The following MAGI1 variants were observed in gnomAD, a reference collection of about 807,000 sequenced individuals.
MAGI1 encodes the protein membrane associated guanylate kinase, WW and PDZ domain containing 1.
In MAGI1, 58 loss-of-function variants were observed where a neutral mutation model predicts 139.9. The observed-to-expected ratio is 0.41, with a 90% CI of 0.34 to 0.52. MAGI1 has a LOEUF of 0.52. Ranked by LOEUF, MAGI1 falls within the 20% of genes least tolerant of loss-of-function variation. The probability of loss-of-function intolerance (pLI) is 0.12; values close to 1 mark genes in which losing one functional copy is unlikely to be tolerated. For missense variants in MAGI1, 1,874 were observed against 1,901.6 expected (o/e 0.99, Z 0.27); for synonymous variants, 812 against 737.9 (o/e 1.10, Z -1.63).
chr3:65,943,794 T>C (rs1357003793), intron 1 of MAGI1, among the ~76,000 whole-genome samples: 1 of 152,188 alleles, frequency 6.6e-6, no homozygotes, highest in Non-Finnish European at 1.5e-5. Context: ...AGAGAAGCAG[T>C]ATCACAACAT....
intron 1 of MAGI1, among the ~76,000 whole-genome samples, chr3:65,793,123 T>C (rs574676975): frequency 1.3e-5 from 2 of 152,190 alleles, no homozygotes; most frequent in Non-Finnish European, 1.5e-5. Context: ...TCTGAAGAAG[T>C]CATGCTTGGG....
At chr3:65,967,254 A>G (rs2064796319) in intron 1 of MAGI1, among the ~76,000 whole-genome samples, 1 of 152,250 alleles carries the variant, frequency 6.6e-6, no homozygotes, top group African/African-American at 2.4e-5. Context: ...TGTCAGTGGC[A>G]GAATCTAAGT....
At chr3:65,413,643 C>A (rs1057028767) in intron 12 of MAGI1, among the ~76,000 whole-genome samples, 1 of 152,154 alleles carries the variant, frequency 6.6e-6, no homozygotes, top group Non-Finnish European at 1.5e-5. Context: ...ATTGCTGCCC[C>A]ATATAGCTAT....
At chr3:65,597,166 AT>A (rs961466663) in intron 2 of MAGI1, among the ~76,000 whole-genome samples, 3 of 151,034 alleles carry the variant, frequency 2.0e-5, no homozygotes, top group South Asian at 2.1e-4. Context: ...GGACGTACTG[AT>A]TTTTCCCCCC....
intron 1 of MAGI1, among the ~76,000 whole-genome samples, chr3:65,869,461 C>T (rs567865633): frequency 2.0e-5 from 3 of 150,140 alleles, no homozygotes; most frequent in South Asian, 2.1e-4. Context: ...AGTGCAGTGG[C>T]GTGATCTCCA....
chr3:65,994,419 C>G (rs1203650199), intron 1 of MAGI1, among the ~76,000 whole-genome samples: 1 of 152,088 alleles, frequency 6.6e-6, no homozygotes, highest in African/African-American at 2.4e-5. Flanking sequence ...TTAGTATCTC[C>G]CCTCCTCATA....
At chr3:65,834,842 T>C (rs1404509766) in intron 1 of MAGI1, among the ~76,000 whole-genome samples, 1 of 152,236 alleles carries the variant, frequency 6.6e-6, no homozygotes, top group Non-Finnish European at 1.5e-5. Context: ...TGTCCCTCTC[T>C]GTCTCTGGTA....
At chr3:65,883,725 TCTC>T (rs1426057825) in intron 1 of MAGI1, among the ~76,000 whole-genome samples, 1 of 152,172 alleles carries the variant, frequency 6.6e-6, no homozygotes, top group Non-Finnish European at 1.5e-5. Context: ...GTTCTAACCC[TCTC>T]CTCAGTCTGA....
intron 1 of MAGI1, among the ~76,000 whole-genome samples, chr3:65,625,742 C>T (rs2083937091): frequency 6.6e-6 from 1 of 152,102 alleles, no homozygotes; most frequent in African/African-American, 2.4e-5. Flanking sequence ...AAAATCCATG[C>T]AAACCAAATT....
chr3:65,766,594 A>G (rs1559861813), intron 1 of MAGI1, among the ~76,000 whole-genome samples: 2 of 152,166 alleles, frequency 1.3e-5, no homozygotes, highest in African/African-American at 2.4e-5. Context: ...AGTCATTATT[A>G]TAACAGAATA....
intron 2 of MAGI1, among the ~76,000 whole-genome samples, chr3:65,512,783 G>A (rs1477010141): frequency 1.3e-5 from 2 of 148,172 alleles, no homozygotes; most frequent in Non-Finnish European, 3.0e-5. Context: ...AGAAAAAGAG[G>A]GAATCCTCCC....
In MAGI1 at chr3:65,357,048, G is replaced by A; in HGVS notation, c.3719C>T (p.Pro1240Leu). Residue 1240 changes from proline to leucine, a missense_variant, in exon 23 of 23, where the codon CCG becomes CTG. Around this residue, in one of 5 missense-constraint regions of MAGI1, gnomAD observed 653 missense variants for 644.5 expected, o/e 1.01. Transcript: ENST00000402939. ...GGGTGGGTAACTGGACTCCAATGACGGATGCTGCCGGCGGTCGGGCCCGGC... is the reference window on the plus strand; with the variant it reads ...GGGTGGGTAACTGGACTCCAATGACAGATGCTGCCGGCGGTCGGGCCCGGC... ...VRAGPDRRQH[P>L]SLESSYPPDL... is the part of the protein sequence containing the mutation. 2.5e-6 allele frequency: 4 copies of A among 1,614,088 alleles called. No individual in the cohort carries two copies. Among genetic ancestry groups the A allele is most frequent in the Non-Finnish European group, 2.5e-6 (3 of 1,180,006 alleles).
At chr3:65,601,726 A>C (rs1038709965) in intron 2 of MAGI1, among the ~76,000 whole-genome samples, 4 of 135,250 alleles carry the variant, frequency 3.0e-5, no homozygotes, top group African/African-American at 1.2e-4. Context: ...CCAAAAGCAC[A>C]AATAAAAAAA....
chr3:65,934,003 T>G (rs898331725), intron 1 of MAGI1, among the ~76,000 whole-genome samples: 1 of 152,140 alleles, frequency 6.6e-6, no homozygotes, highest in Admixed American at 6.5e-5. Context: ...GGTGGGCATC[T>G]GTAATCCCAG....
intron 1 of MAGI1, among the ~76,000 whole-genome samples, chr3:65,657,274 T>C (rs531389578): frequency 2.0e-5 from 3 of 152,026 alleles, no homozygotes; most frequent in Admixed American, 1.3e-4. Context: ...CCAGTGGTAA[T>C]ACTGCCTCCC....
In MAGI1 at chr3:65,583,371, A is replaced by C. The variant is rs370355004; in HGVS notation, c.430+38601T>G. ...TGCGTCTTGCAAGACAGCTGAATGA[A>C]GCTATGTTACAGTGGGAGAGGGCTG... On this transcript the variant is annotated intron_variant, in intron 2 of 22. Transcript: ENST00000402939. Among the ~76,000 whole-genome samples, 170 of 152,324 alleles carry C rather than the reference A, an allele frequency of 1.1e-3. 4 individuals carry two copies. In the South Asian group the frequency reaches 0.034, roughly 30 times the overall value.
chr3:65,711,763 A>G (rs1353520251), intron 1 of MAGI1, among the ~76,000 whole-genome samples: 1 of 152,208 alleles, frequency 6.6e-6, no homozygotes, highest in African/African-American at 2.4e-5. Flanking sequence ...GCAGCCAAGG[A>G]GCAAGGTCTC....
intron 1 of MAGI1, among the ~76,000 whole-genome samples, chr3:66,018,924 G>C (rs2067817215): frequency 6.6e-6 from 1 of 152,030 alleles, no homozygotes; most frequent in Non-Finnish European, 1.5e-5. Context: ...AAGGCTTCCG[G>C]TAAATTCTCG....
At position 65,381,873 on chromosome 3, in the gene MAGI1, A is replaced by G; in HGVS notation, c.2701+4T>C. The G allele has an allele frequency of 6.2e-7, 1 of 1,605,472 alleles. No homozygotes were observed. Among genetic ancestry groups the G allele is most frequent in the South Asian group, 1.1e-5 (1 of 89,268 alleles). On this transcript the variant is annotated splice_donor_region_variant and intron_variant, in intron 16 of 22. Transcript: ENST00000402939. ...CTGTCTGAAGGAATGAATGAAATAC[A>G]TACCCGCAAAAACCACTTTACGCCG...
Sources: allele counts gnomAD v4.1 joint callset (sites outside exome capture counted in the v4.1 genomes callset), GRCh38; gene constraint gnomAD v4.1.1; regional missense constraint gnomAD v4.1.1; transcripts MANE v1.5; gene names NCBI Gene and HGNC (gene_info 2026-07-23, HGNC 2026-07-21).